The following PTRH1 variants were observed in gnomAD, a reference collection of about 807,000 sequenced individuals.
PTRH1 encodes peptidyl-tRNA hydrolase.
Under a neutral mutation model 15.7 loss-of-function variants are expected in PTRH1, and 13 were observed. The observed-to-expected ratio is 0.83, with a 90% CI of 0.54 to 1.31. The LOEUF (loss-of-function observed/expected upper bound fraction) is 1.31, where lower values mean the gene tolerates loss of function less well. Among genes scored for constraint, PTRH1 ranks in the 40% most tolerant of loss-of-function variants. The pLI is 0.00. For synonymous variants in PTRH1, 139 were observed against 136.7 expected (o/e 1.02, Z -0.12); for missense variants, 319 against 296.2 (o/e 1.08, Z -0.56).
downstream of PTRH1, among the ~76,000 whole-genome samples, chr9:127,711,065 A>G (rs1327968545): frequency 2.0e-5 from 3 of 152,208 alleles, no homozygotes; most frequent in African/African-American, 7.2e-5. Flanking sequence ...ACAAAGGTCC[A>G]GAGGATCTAC....
downstream of PTRH1, chr9:127,711,510 C>A: frequency 1.2e-6 from 2 of 1,610,080 alleles, no homozygotes; most frequent in Non-Finnish European, 1.7e-6. Context: ...TGCCTGCAGG[C>A]CTCAGCACAG....
downstream of PTRH1, among the ~76,000 whole-genome samples, chr9:127,710,227 G>C (rs2131587306): frequency 1.3e-5 from 2 of 150,602 alleles, no homozygotes; most frequent in South Asian, 4.2e-4. Context: ...AGACTGCAGT[G>C]AGCTGTGACT....
chr9:127,713,496 CTTTTTTTTTTT>C (rs58502035), downstream of PTRH1: 37 of 90,932 alleles, frequency 4.1e-4, no homozygotes, highest in South Asian at 5.8e-4. Flanking sequence ...CAGCATCTTT[CTTTTTTTTTTT>C]TTTTTTTTTT....
chr9:127,713,104 C>A, downstream of PTRH1: 3 of 1,613,406 alleles, frequency 1.9e-6, no homozygotes, highest in Non-Finnish European at 2.5e-6. Flanking sequence ...GGGATCTAGG[C>A]CTGGTACCTC....
chr9:127,711,736 A>G, downstream of PTRH1: 1 of 1,466,956 alleles, frequency 6.8e-7, no homozygotes, highest in African/African-American at 1.4e-5. Context: ...GCCGCTCTGC[A>G]TAGGGGAACA....
chr9:127,702,997 A>G (rs1842615613), intron 1 of PTRH1, among the ~76,000 whole-genome samples: 1 of 151,576 alleles, frequency 6.6e-6, no homozygotes, highest in South Asian at 2.1e-4. Context: ...CTGGGATTAC[A>G]GGTGTGAGCC....
At position 127,715,237 on chromosome 9, in the gene PTRH1, C is replaced by T; in HGVS notation, c.97-43G>A. On this transcript the variant is annotated intron_variant, in intron 1 of 4. Coordinates refer to ENST00000543175, the MANE Select transcript of PTRH1 (RefSeq NM_001002913.3). This position sits in a 1 kb window ranked among gnomAD's most constrained non-coding sequence, Gnocchi z 5.8. ...GAAACTGAGGCCCAACAACTCTCGC[C>T]ACCCCCGATCTCACAGCGTCCCGTG... 2.0e-6 allele frequency: 3 copies of T among 1,513,460 alleles called. No individual in the cohort carries two copies. Among genetic ancestry groups the T allele is most frequent in the Non-Finnish European group, 2.7e-6 (3 of 1,127,428 alleles). 93.8% of individuals were successfully genotyped at this position (1,513,460 alleles called of 1,614,324 possible).
intron 1 of PTRH1, chr9:127,706,869 C>T: frequency 3.9e-6 from 3 of 764,230 alleles, no homozygotes; most frequent in Non-Finnish European, 6.2e-6. Flanking sequence ...TCACTGATGC[C>T]ATCTGCCTTG....
At chr9:127,707,067 G>A in intron 1 of PTRH1, 1 of 1,614,022 alleles carries the variant, frequency 6.2e-7, no homozygotes, top group Non-Finnish European at 8.5e-7. Flanking sequence ...AGGCAGGCAA[G>A]GAGCTTGAAG....
chr9:127,713,401 AG>A, downstream of PTRH1: 1 of 396,834 alleles, frequency 2.5e-6, no homozygotes. Context: ...ATGCCCTGGG[AG>A]GGGGGTTGGC....
intron 3 of PTRH1, 53 bp from the exon 4 acceptor site, chr9:127,714,477 C>CA (rs1842866584): frequency 6.2e-7 from 1 of 1,608,598 alleles, no homozygotes. Flanking sequence ...AGTGTCCTTC[C>CA]ACCCCTCCCT....
At chr9:127,701,712 G>A (rs949228349) in intron 1 of PTRH1, among the ~76,000 whole-genome samples, 2 of 151,772 alleles carry the variant, frequency 1.3e-5, no homozygotes, top group Admixed American at 6.6e-5. Flanking sequence ...CAGGAGTTAA[G>A]ACCAGCCTGA....
intron 1 of PTRH1, among the ~76,000 whole-genome samples, chr9:127,702,674 G>A (rs1452285592): frequency 1.3e-5 from 2 of 152,080 alleles, no homozygotes; most frequent in African/African-American, 4.8e-5. Flanking sequence ...ATGAGCCTGT[G>A]ACGTTGTGAC....
chr9:127,715,395 A>G lies in PTRH1; in HGVS notation c.96+149T>C, dbSNP rs1193986648. 2 of 1,310,384 alleles carry G rather than the reference A, an allele frequency of 1.5e-6. No individual in the cohort carries two copies. Among genetic ancestry groups the G allele is most frequent in the East Asian group, 5.0e-5 (2 of 39,880 alleles). The allele number at this position is 1,310,384 out of a possible 1,614,324, so 81.2% of individuals were successfully genotyped here. A position where few individuals can be genotyped will look rare whatever the true frequency, so the allele number is the denominator to read the frequency against. On this transcript the variant is annotated intron_variant, in intron 1 of 4. Transcript: ENST00000543175. The surrounding 1 kb of genome is among the most constrained non-coding windows in gnomAD (Gnocchi z 5.8). ...GCAGGGCGCCCTAGTGCAGGAACGG[A>G]GCTTCAAGAAGTTTGGAGCCCGTCG...
At chr9:127,706,849 G>T (rs1842654497) in intron 1 of PTRH1, 7 of 647,176 alleles carry the variant, frequency 1.1e-5, no homozygotes, top group Non-Finnish European at 1.8e-5. Context: ...GGACTCCTGG[G>T]CCTGGGGCCT....
intron 1 of PTRH1, among the ~76,000 whole-genome samples, chr9:127,697,353 G>C (rs1056117303): frequency 3.3e-5 from 5 of 152,162 alleles, no homozygotes; most frequent in Non-Finnish European, 7.3e-5. Context: ...CTGTTGGCAA[G>C]AAGTTTGTAA....
At chr9:127,702,321 C>T (rs559410909) in intron 1 of PTRH1, among the ~76,000 whole-genome samples, 27 of 147,936 alleles carry the variant, frequency 1.8e-4, no homozygotes, top group African/African-American at 6.0e-4. Flanking sequence ...TGCAGTGAGC[C>T]AAGATCGCAC....
chr9:127,711,264 TGGCCAATGAGTTCCACAA>T, downstream of PTRH1: 1 of 1,614,172 alleles, frequency 6.2e-7, no homozygotes, highest in Non-Finnish European at 8.5e-7. Context: ...GTGAACCTCG[TGGCCAATGAGTTCCACAA>T]GGTGACCACG....
Position 127,714,646 on chromosome 9 carries a change from T to G in PTRH1, c.373A>C (p.Lys125Gln). The G allele has an allele frequency of 6.2e-7, 1 of 1,614,004 alleles. No individual in the cohort carries two copies. Among genetic ancestry groups the G allele is most frequent in the Non-Finnish European group, 8.5e-7 (1 of 1,179,976 alleles). Residue 125 changes from lysine (K) to glutamine (Q), a missense_variant, in exon 3 of 5, where the codon AAG (lysine) becomes CAG (glutamine). By Grantham distance (53) the Lys-to-Gln change is moderately conservative. Coordinates refer to ENST00000543175, the MANE Select transcript of PTRH1 (RefSeq NM_001002913.3). ...TTCAGAGCCAGTCTCCCCAGGGGCTTGTCCAGCTCATCATGCACCAGGTAG... is the reference window on the plus strand; with the variant it reads ...TTCAGAGCCAGTCTCCCCAGGGGCTGGTCCAGCTCATCATGCACCAGGTAG... Reference protein sequence around the residue: ...EVYLVHDELDKPLGRLALKLG... With the variant: ...EVYLVHDELDQPLGRLALKLG...
Sources: gnomAD v4.1 joint callset for allele counts (sites outside exome capture counted in the v4.1 genomes callset) on GRCh38, gnomAD v4.1.1 for gene constraint, Gnocchi (gnomAD v3.1) non-coding constraint, MANE v1.5 for transcripts, NCBI Gene and HGNC (gene_info 2026-07-23, HGNC 2026-07-21) for gene names.